COLGALT2: variants seen among roughly 807,000 people sequenced by gnomAD.
COLGALT2 encodes procollagen galactosyltransferase 2.
COLGALT2 carries 49 observed loss-of-function variants against 73.4 expected under a neutral mutation model. That is an observed-to-expected ratio of 0.67 (90% confidence interval 0.53 to 0.85). The LOEUF is 0.85. Among genes scored for constraint, COLGALT2 ranks in the 40% least tolerant of loss-of-function variants. The pLI, the probability that COLGALT2 is intolerant of heterozygous loss-of-function variation, is 0.00. For synonymous variants in COLGALT2, 295 were observed against 307.6 expected (o/e 0.96, Z 0.43); for missense variants, 722 against 790.2 (o/e 0.91, Z 1.03).
Position 183,980,763 on chromosome 1 carries a change from G to A in COLGALT2, c.264-2243C>T, listed in dbSNP as rs569355208. Among the ~76,000 whole-genome samples, 86 of 149,044 alleles carry A rather than the reference G, an allele frequency of 5.8e-4. 1 individual carries two copies. The Middle Eastern group carries it at 0.017, about 29-fold the overall frequency. On this transcript the variant is annotated intron_variant, in intron 1 of 11. Transcript: ENST00000361927. Reference sequence around the variant, plus strand: ...AAGATTTACACACACACACACACAGGCACACAACTACAGACCAATATCCTT... The same window carrying A: ...AAGATTTACACACACACACACACAGACACACAACTACAGACCAATATCCTT...
chr1:183,985,832 C>T (rs968565308), intron 1 of COLGALT2, among the ~76,000 whole-genome samples: 2 of 152,190 alleles, frequency 1.3e-5, no homozygotes, highest in Non-Finnish European at 2.9e-5. Flanking sequence ...GGACAATCCT[C>T]ACCATGACTA....
rs115475023 is a variant in COLGALT2, at chr1:183,952,810, T to A, written c.1030-1697A>T. Among the ~76,000 whole-genome samples the A allele has an allele frequency of 5.3e-3, 803 of 152,328 alleles. 5 individuals carry two copies. Among genetic ancestry groups the A allele is most frequent in the African/African-American group, 0.019 (777 of 41,574 alleles). ...GGTAATTATTTTGTAAAAAACATAA[T>A]TTTCTGTGGTGACTCTATTTGCCTC... On this transcript the variant is annotated intron_variant, in intron 7 of 11. Transcript: ENST00000361927.
At chr1:183,978,780 T>C (rs1020730144) in intron 1 of COLGALT2, among the ~76,000 whole-genome samples, 4 of 152,180 alleles carry the variant, frequency 2.6e-5, no homozygotes, top group Non-Finnish European at 5.9e-5. Context: ...CATTAATAAA[T>C]AAACACATGA....
chr1:183,970,971 A>G (rs927954447), intron 4 of COLGALT2, among the ~76,000 whole-genome samples: 5 of 152,142 alleles, frequency 3.3e-5, no homozygotes, highest in Non-Finnish European at 7.3e-5. Flanking sequence ...AAAGTTCTAG[A>G]TTACTTAGGA....
chr1:183,962,918 G>T (rs558229947), intron 6 of COLGALT2, among the ~76,000 whole-genome samples: 59 of 152,250 alleles, frequency 3.9e-4, no homozygotes, highest in African/African-American at 1.3e-3. Context: ...GCCTCTTGGC[G>T]GGGCTCCTGC....
chr1:183,990,190 A>T (rs911306942), intron 1 of COLGALT2, among the ~76,000 whole-genome samples: 10 of 152,216 alleles, frequency 6.6e-5, no homozygotes, highest in African/African-American at 2.4e-4. Flanking sequence ...TAAAGAGTAA[A>T]CTTTAGGCTC....
chr1:183,994,701 C>T (rs12077073), intron 1 of COLGALT2, among the ~76,000 whole-genome samples: 10 of 152,296 alleles, frequency 6.6e-5, no homozygotes, highest in South Asian at 2.1e-4. Context: ...GTAATCCGCC[C>T]GCCTTGGCCT....
intron 1 of COLGALT2, among the ~76,000 whole-genome samples, chr1:184,017,378 C>T (rs1649035692): frequency 1.3e-5 from 2 of 152,138 alleles, no homozygotes; most frequent in Admixed American, 6.6e-5. Context: ...AGTATTTTCC[C>T]GAGACAAGTT....
chr1:184,036,026 G>A (rs913144500), intron 1 of COLGALT2, among the ~76,000 whole-genome samples: 2 of 152,150 alleles, frequency 1.3e-5, no homozygotes, highest in Admixed American at 6.5e-5. Flanking sequence ...CTGCTTTAAG[G>A]ATGTGTCTCG....
chr1:183,937,679 C>G lies in COLGALT2; in HGVS notation c.*1082G>C. On this transcript the variant is annotated 3_prime_UTR_variant, in exon 12 of 12. Coordinates refer to ENST00000361927, the MANE Select transcript of COLGALT2 (RefSeq NM_015101.4). Reference sequence around the variant, plus strand: ...TGCCGAACCAATGTGTCCACACCCACCACTCCCCCGGGTGCCGTGGAAGTC... The same window carrying G: ...TGCCGAACCAATGTGTCCACACCCAGCACTCCCCCGGGTGCCGTGGAAGTC... 1 of 985,436 alleles carries G rather than the reference C, an allele frequency of 1.0e-6. No homozygotes were observed. Among genetic ancestry groups the G allele is most frequent in the Non-Finnish European group, 1.2e-6 (1 of 829,938 alleles). The allele number at this position is 985,436 out of a possible 1,614,324, so 61.0% of individuals were successfully genotyped here. A position where few individuals can be genotyped will look rare whatever the true frequency, so the allele number is the denominator to read the frequency against.
chr1:184,015,598 T>C (rs753469802), intron 1 of COLGALT2, among the ~76,000 whole-genome samples: 1 of 152,218 alleles, frequency 6.6e-6, no homozygotes, highest in Admixed American at 6.5e-5. Flanking sequence ...ACTGTTGTGC[T>C]CACTCTCCCT....
downstream of COLGALT2, chr1:183,935,815 A>C: frequency 8.2e-6 from 8 of 975,876 alleles, no homozygotes; most frequent in Non-Finnish European, 9.7e-6. Flanking sequence ...TGCCTGCGGA[A>C]GCAATTGACA....
At chr1:183,933,599 T>C (rs935743750), downstream of COLGALT2, among the ~76,000 whole-genome samples, 1 of 152,042 alleles carries the variant, frequency 6.6e-6, no homozygotes, top group African/African-American at 2.4e-5. Flanking sequence ...AAACTGTCGC[T>C]GATTAATTTC....
Position 183,964,229 on chromosome 1 carries a change from A to G in COLGALT2, c.833-209T>C, listed in dbSNP as rs1670802519. The G allele has an allele frequency of 6.3e-6, 3 of 473,138 alleles. No homozygotes were observed. In the East Asian group the frequency reaches 1.0e-4, roughly 16 times the overall value. 29.3% of individuals were successfully genotyped at this position (473,138 alleles called of 1,614,324 possible). ...TGGGGACTAATAAAAACACTCGGCT[A>G]TTCTTCAGCCCAGAGGAAATTGATT... On this transcript the variant is annotated intron_variant, in intron 5 of 11. Transcript: ENST00000361927.
chr1:183,944,261 C>T lies in COLGALT2; in HGVS notation c.1332G>A (p.Gln444=), dbSNP rs1670189723. The change falls in exon 10 of 12, where the codon CAG becomes CAA. Residue 444 remains glutamine, a synonymous_variant. Transcript: ENST00000361927. ...TCAGCTTCATCAGCTTCTTCTTAAA[C>T]TGATGCTCAAAACGCACATCGTCTT... ...VIEDDVRFEH[Q]FKKKLMKLMD... is the part of the protein sequence containing the mutation. 6.2e-7 allele frequency: 1 copy of T among 1,613,964 alleles called. No individual in the cohort carries two copies. Among genetic ancestry groups the T allele is most frequent in the Admixed American group, 1.7e-5 (1 of 59,982 alleles).
intron 7 of COLGALT2, among the ~76,000 whole-genome samples, chr1:183,953,518 G>T (rs946262510): frequency 1.3e-5 from 2 of 152,168 alleles, no homozygotes; most frequent in Non-Finnish European, 2.9e-5. Flanking sequence ...ATGAATCTAT[G>T]TAAGGACACT....
intron 10 of COLGALT2, among the ~76,000 whole-genome samples, chr1:183,941,485 A>G (rs1670107880): frequency 6.6e-6 from 1 of 152,174 alleles, no homozygotes. Context: ...GGCCACTCCC[A>G]TCTTCCCTAG....
intron 1 of COLGALT2, among the ~76,000 whole-genome samples, chr1:183,985,110 A>G (rs928495248): frequency 6.6e-6 from 1 of 152,228 alleles, no homozygotes; most frequent in African/African-American, 2.4e-5. Context: ...ACTCAGAGCC[A>G]ACTAGAAATA....
intron 1 of COLGALT2, among the ~76,000 whole-genome samples, chr1:184,005,566 C>T (rs530220880): frequency 1.3e-5 from 2 of 152,166 alleles, no homozygotes; most frequent in Non-Finnish European, 2.9e-5. Context: ...CCCACCTATG[C>T]CCTTCCTGCC....
Sources: gnomAD v4.1 joint callset for allele counts (sites outside exome capture counted in the v4.1 genomes callset) on GRCh38, gnomAD v4.1.1 for gene constraint, MANE v1.5 for transcripts, NCBI Gene and HGNC (gene_info 2026-07-23, HGNC 2026-07-21) for gene names.